NRIP1: variants seen among roughly 807,000 people sequenced by gnomAD.
The protein encoded by NRIP1 is nuclear receptor-interacting protein 1.
In NRIP1, 28 loss-of-function variants were observed where a neutral mutation model predicts 75.0. The ratio of observed to expected loss-of-function variants is 0.37; its 90% CI spans 0.28 to 0.51. The LOEUF is 0.51. Ranked by LOEUF, NRIP1 falls within the 20% of genes least tolerant of loss-of-function variation. The probability of loss-of-function intolerance (pLI) is 0.92; values close to 1 mark genes in which losing one functional copy is unlikely to be tolerated. For missense variants in NRIP1, 1,435 were observed against 1,343.7 expected (o/e 1.07, Z -1.06); for synonymous variants, 526 against 487.6 (o/e 1.08, Z -1.04).
chr21:14,990,967 C>T lies in NRIP1; in HGVS notation c.-334-22441G>A, dbSNP rs772835076. ...GTAAGGCCAGTTGTACCTAAGGGCT[C>T]TACGTGCTTCTCGTTTCATTTGCTG... On this transcript the variant is annotated intron_variant, in intron 3 of 3. Transcript: ENST00000318948. Among the ~76,000 whole-genome samples, 13 of 152,130 alleles carry T rather than the reference C, an allele frequency of 8.5e-5. No homozygotes were observed. In the East Asian group the frequency reaches 2.5e-3, roughly 29 times the overall value.
Position 14,966,116 on chromosome 21 carries a change from C to A in NRIP1, c.2077G>T (p.Gly693Cys). 1.9e-6 allele frequency: 3 copies of A among 1,612,486 alleles called. No individual in the cohort carries two copies. Among genetic ancestry groups the A allele is most frequent in the East Asian group, 2.2e-5 (1 of 44,864 alleles). ...ENKAFSSQPT[G>C]PEPGLSGSEI... The stretch of plus-strand genomic sequence containing the variant: ...GAACCAGAAAGCCCTGGTTCAGGAC[C>A]TGTTGGTTGACTACTAAATGCTTTA... The change falls in exon 4 of 4, where the codon GGT (glycine) becomes TGT (cysteine). Residue 693 changes from glycine to cysteine, a missense_variant. Physicochemically the swap from Gly to Cys is radical, Grantham distance 159. Transcript: ENST00000318948.
intron 2 of NRIP1, among the ~76,000 whole-genome samples, chr21:15,031,317 A>ATG (rs1568994047): frequency 2.1e-5 from 3 of 141,004 alleles, no homozygotes; most frequent in Non-Finnish European, 4.6e-5. Flanking sequence ...TTCCCTTTCT[A>ATG]TGTGTATACA....
At chr21:15,059,172 G>A (rs2089370426) in intron 1 of NRIP1, among the ~76,000 whole-genome samples, 2 of 152,118 alleles carry the variant, frequency 1.3e-5, no homozygotes, top group African/African-American at 2.4e-5. Flanking sequence ...TAGCTTAAGC[G>A]GATGACTCAA....
intron 1 of NRIP1, among the ~76,000 whole-genome samples, chr21:15,061,400 C>T (rs187380388): frequency 9.9e-4 from 150 of 152,190 alleles, no homozygotes; most frequent in African/African-American, 3.5e-3. Context: ...CAAGAAGGAA[C>T]GCTGCAACTA....
chr21:14,968,250 T>A lies in NRIP1; in HGVS notation c.-58A>T. 8.4e-7 allele frequency: 1 copy of A among 1,194,768 alleles called. No homozygotes were observed. Among genetic ancestry groups the A allele is most frequent in the Non-Finnish European group, 1.2e-6 (1 of 838,062 alleles). 74.0% of individuals were successfully genotyped at this position (1,194,768 alleles called of 1,614,324 possible). ...CTATTCACTTTAAAGAATGGTTTTC[T>A]GTGGTGAGTGCGATGTAACTTTAAT... On this transcript the variant is annotated 5_prime_UTR_variant, in exon 4 of 4. Transcript: ENST00000318948.
At chr21:14,972,285 T>C (rs1231216133) in intron 3 of NRIP1, among the ~76,000 whole-genome samples, 4 of 152,144 alleles carry the variant, frequency 2.6e-5, no homozygotes, top group African/African-American at 7.2e-5. Flanking sequence ...TTCTCACCTT[T>C]CCCAATCCTT....
At chr21:14,997,963 G>A (rs1026206192) in intron 3 of NRIP1, among the ~76,000 whole-genome samples, 25 of 152,068 alleles carry the variant, frequency 1.6e-4, no homozygotes, top group African/African-American at 6.0e-4. Flanking sequence ...TGGAAGGAAA[G>A]GGTTAGAAAC....
chr21:15,059,240 G>C (rs1428426423), intron 1 of NRIP1, among the ~76,000 whole-genome samples: 2 of 152,156 alleles, frequency 1.3e-5, no homozygotes, highest in Non-Finnish European at 2.9e-5. Flanking sequence ...GTCACACAGT[G>C]ACTTGGAATT....
At chr21:15,033,875 C>T (rs1804130792) in intron 2 of NRIP1, among the ~76,000 whole-genome samples, 1 of 152,180 alleles carries the variant, frequency 6.6e-6, no homozygotes, top group South Asian at 2.1e-4. Flanking sequence ...GATCAATTGC[C>T]TTGGTCACCT....
chr21:15,000,433 T>A (rs908223731), intron 3 of NRIP1, among the ~76,000 whole-genome samples: 2 of 152,084 alleles, frequency 1.3e-5, no homozygotes, highest in Non-Finnish European at 2.9e-5. Context: ...TATAGTCCTT[T>A]CCTGTTAAAA....
At chr21:15,028,831 T>C (rs906618684) in intron 2 of NRIP1, among the ~76,000 whole-genome samples, 5 of 152,186 alleles carry the variant, frequency 3.3e-5, no homozygotes, top group African/African-American at 1.2e-4. Flanking sequence ...TTTTAAAAAA[T>C]ATACATTGGT....
intron 3 of NRIP1, among the ~76,000 whole-genome samples, chr21:14,993,330 C>T (rs958365905): frequency 1.3e-5 from 2 of 152,008 alleles, no homozygotes; most frequent in Non-Finnish European, 2.9e-5. Flanking sequence ...GATACCACTC[C>T]AATCCACAAA....
At chr21:14,993,677 TG>T (rs2087634837) in intron 3 of NRIP1, among the ~76,000 whole-genome samples, 1 of 151,936 alleles carries the variant, frequency 6.6e-6, no homozygotes, top group Non-Finnish European at 1.5e-5. Context: ...CCCAGCTTCT[TG>T]GGAGGCTGAC....
chr21:14,987,596 A>T (rs1248023396), intron 3 of NRIP1, among the ~76,000 whole-genome samples: 1 of 152,194 alleles, frequency 6.6e-6, no homozygotes, highest in Non-Finnish European at 1.5e-5. Flanking sequence ...GGTGCTGCAG[A>T]GATGCAATTC....
At chr21:15,033,493 C>T (rs1422766832) in intron 2 of NRIP1, among the ~76,000 whole-genome samples, 1 of 152,014 alleles carries the variant, frequency 6.6e-6, no homozygotes, top group African/African-American at 2.4e-5. Flanking sequence ...ATCCATTTAC[C>T]CATAAACACT....
intron 2 of NRIP1, among the ~76,000 whole-genome samples, chr21:15,028,846 A>G (rs1314155302): frequency 2.0e-5 from 3 of 152,168 alleles, no homozygotes; most frequent in Admixed American, 6.5e-5. Flanking sequence ...ATTGGTCCAA[A>G]AAGTATTTAT....
chr21:15,002,608 T>G (rs757361763), intron 3 of NRIP1, among the ~76,000 whole-genome samples: 5 of 152,204 alleles, frequency 3.3e-5, no homozygotes, highest in Non-Finnish European at 7.4e-5. Context: ...TACCTCCTGT[T>G]GAACTGAGGA....
chr21:15,030,891 GCTCGGAGGA>G (rs2088639805), intron 2 of NRIP1, among the ~76,000 whole-genome samples: 2 of 146,494 alleles, frequency 1.4e-5, no homozygotes, highest in African/African-American at 4.9e-5. Context: ...TCTGGAAGGC[GCTCGGAGGA>G]TCACCACATT....
At chr21:14,999,013 GA>G in intron 3 of NRIP1, among the ~76,000 whole-genome samples, 1 of 151,168 alleles carries the variant, frequency 6.6e-6, no homozygotes, top group East Asian at 1.9e-4. Context: ...CTCGTAGAAA[GA>G]GAGAGAGAGA....
Sources: allele counts gnomAD v4.1 joint callset (sites outside exome capture counted in the v4.1 genomes callset), GRCh38; gene constraint gnomAD v4.1.1; transcripts MANE v1.5; gene names NCBI Gene and HGNC (gene_info 2026-07-23, HGNC 2026-07-21).